PRDM1: variants seen among roughly 807,000 people sequenced by gnomAD.
PRDM1 encodes PR/SET domain 1.
A neutral mutation model predicts 62.8 loss-of-function variants in PRDM1; 13 were observed. The observed-to-expected ratio is 0.21, with a 90% confidence interval of 0.13 to 0.33. The LOEUF (loss-of-function observed/expected upper bound fraction) is 0.33. Ranked by LOEUF, PRDM1 falls within the 10% of genes least tolerant of loss-of-function variation. The pLI is 1.00. For synonymous variants in PRDM1, 396 were observed against 417.6 expected, an observed-to-expected ratio of 0.95 and a Z score of 0.63; for missense variants, 895 against 1,058.8, an observed-to-expected ratio of 0.85 and a Z score of 2.15.
chr6:105,999,345 C>T (rs945702754), intron 1 of PRDM1, among the ~76,000 whole-genome samples: 5 of 151,000 alleles, frequency 3.3e-5, no homozygotes, highest in African/African-American at 1.2e-4. Flanking sequence ...CACTTGAGGC[C>T]AGGAGTTTGA....
intron 1 of PRDM1, among the ~76,000 whole-genome samples, chr6:105,999,458 T>C (rs7764083): frequency 0.91 from 138,615 of 152,130 alleles, 63,252 homozygotes; most frequent in African/African-American, 0.95. Flanking sequence ...AAAAGTGACA[T>C]GTTTTTTGCT....
intron 4 of PRDM1, among the ~76,000 whole-genome samples, chr6:106,103,080 G>T (rs1024837113): frequency 6.6e-6 from 1 of 152,108 alleles, no homozygotes; most frequent in African/African-American, 2.4e-5. Context: ...TATTTATTTT[G>T]TTTTAGTGGC....
chr6:106,004,327 G>A (rs1320981343), intron 1 of PRDM1, among the ~76,000 whole-genome samples: 1 of 152,086 alleles, frequency 6.6e-6, no homozygotes, highest in African/African-American at 2.4e-5. Context: ...TAACATATAT[G>A]CTAACATGAA....
chr6:106,001,541 G>GTT (rs571403363), intron 1 of PRDM1, among the ~76,000 whole-genome samples: 112 of 152,270 alleles, frequency 7.4e-4, no homozygotes, highest in African/African-American at 2.6e-3. Context: ...ATAGAAAGCT[G>GTT]TTTTACTCTA....
intron 4 of PRDM1, 85 bp downstream of exon 4, chr6:106,099,637 T>C (rs1774211627): frequency 6.5e-7 from 1 of 1,532,862 alleles, no homozygotes; most frequent in African/African-American, 1.4e-5. Context: ...TGTTTAATTA[T>C]ACGGCTTTGT....
At chr6:106,077,961 T>C (rs1284208836) in intron 1 of PRDM1, among the ~76,000 whole-genome samples, 2 of 152,210 alleles carry the variant, frequency 1.3e-5, no homozygotes, top group Non-Finnish European at 1.5e-5. Context: ...TGATGAGATC[T>C]TTCTTGCTCG....
chr6:106,104,843 T>G lies in PRDM1; in HGVS notation c.683T>G (p.Leu228Arg). 6.2e-7 allele frequency: 1 copy of G among 1,613,818 alleles called. No homozygotes were observed. Among genetic ancestry groups the G allele is most frequent in the South Asian group, 1.1e-5 (1 of 91,066 alleles). The change falls in exon 5 of 7, where the codon CTA becomes CGA. Residue 228 changes from leucine (L) to arginine (R), a missense_variant. Around this residue, in one of 4 missense-constraint regions of PRDM1, gnomAD observed 444 missense variants for 422.7 expected, o/e 1.05. Coordinates refer to ENST00000369096, the MANE Select transcript of PRDM1 (RefSeq NM_001198.4). ...MMNLTQTQSS[L>R]KQPSTEKNEL... Reference sequence around the variant, plus strand: ...ATTTCAGCACAAACACAGAGCAGTCTAAAGCAACCGAGCACTGAGAAAAAT... The same window carrying G: ...ATTTCAGCACAAACACAGAGCAGTCGAAAGCAACCGAGCACTGAGAAAAAT...
chr6:106,109,091 CAAAAA>C lies in PRDM1; in HGVS notation c.*1623_*1627del, dbSNP rs36077280. 2.6e-3 allele frequency: 317 copies of C among 121,394 alleles called. No homozygotes were observed. Among genetic ancestry groups the C allele is most frequent in the East Asian group, 9.1e-3 (69 of 7,592 alleles). The allele number at this position is 121,394 out of a possible 1,614,324, so 7.5% of individuals were successfully genotyped here. ...GTAAAAGATCTACTTTTTCTAAGGG[CAAAAA>C]AAAAAAAAAAAAAAAAAGAACACTC... On this transcript the variant is annotated 3_prime_UTR_variant, in exon 7 of 7. Coordinates refer to ENST00000369096, the MANE Select transcript of PRDM1 (RefSeq NM_001198.4).
chr6:106,068,248 C>T (rs984074049), intron 1 of PRDM1, among the ~76,000 whole-genome samples: 1 of 152,026 alleles, frequency 6.6e-6, no homozygotes, highest in East Asian at 1.9e-4. Flanking sequence ...GATGCCACGA[C>T]GCCCAGCCAA....
chr6:106,045,185 A>G (rs572676682), upstream of PRDM1, among the ~76,000 whole-genome samples: 24 of 152,158 alleles, frequency 1.6e-4, no homozygotes, highest in Non-Finnish European at 3.2e-4. Flanking sequence ...ATAAAACACC[A>G]TCATTGTTAT....
chr6:106,032,631 T>C (rs756959257), intron 1 of PRDM1, among the ~76,000 whole-genome samples: 7 of 151,944 alleles, frequency 4.6e-5, no homozygotes, highest in Non-Finnish European at 1.0e-4. Flanking sequence ...AGAGATGGGG[T>C]TCACCATGTT....
intron 1 of PRDM1, among the ~76,000 whole-genome samples, chr6:106,033,000 G>A (rs1772868165): frequency 6.6e-6 from 1 of 151,922 alleles, no homozygotes; most frequent in South Asian, 2.1e-4. Context: ...AGCCCTATGA[G>A]GTGGGTTGTA....
intron 1 of PRDM1, among the ~76,000 whole-genome samples, chr6:106,059,649 T>C (rs1003440627): frequency 6.6e-6 from 1 of 152,190 alleles, no homozygotes; most frequent in Admixed American, 6.5e-5. Flanking sequence ...AGATGAAGAA[T>C]ACATGGTAGA....
rs980098038 is a variant in PRDM1 at position 106,024,534 on chromosome 6, A to G, written c.-67+30895A>G. Among the ~76,000 whole-genome samples the G allele has an allele frequency of 2.6e-5, 4 of 152,348 alleles. 1 individual carries two copies. The East Asian group carries it at 5.8e-4, about 22-fold the overall frequency. ...CTATGAAAGGAAATGACTTTCTTATAAGACAGACATGTGATGTTTGCAATG... is the reference window on the plus strand; with the variant it reads ...CTATGAAAGGAAATGACTTTCTTATGAGACAGACATGTGATGTTTGCAATG... On this transcript the variant is annotated intron_variant, in intron 1 of 6. Transcript: ENST00000652320.
intron 1 of PRDM1, among the ~76,000 whole-genome samples, chr6:106,064,484 T>A (rs553677160): frequency 2.0e-4 from 30 of 152,302 alleles, no homozygotes; most frequent in Admixed American, 1.6e-3. Flanking sequence ...CCTGATGTTT[T>A]GAGGACCACC....
chr6:106,088,613 C>T (rs1428992241), intron 2 of PRDM1, among the ~76,000 whole-genome samples, 164 bp downstream of exon 2: 2 of 152,152 alleles, frequency 1.3e-5, no homozygotes, highest in African/African-American at 2.4e-5. Context: ...TTTCCCTAAA[C>T]CATTTCCTTC....
At chr6:106,053,512 T>TGTATTCTAATAGAATACATAA (rs1182896849) in intron 1 of PRDM1, among the ~76,000 whole-genome samples, 1 of 152,210 alleles carries the variant, frequency 6.6e-6, no homozygotes, top group Non-Finnish European at 1.5e-5. Context: ...GTATCTATTA[T>TGTATTCTAATAGAATACATAA]GTATTCTAAT....
intron 1 of PRDM1, among the ~76,000 whole-genome samples, chr6:105,996,752 T>C (rs1038201615): frequency 6.6e-6 from 1 of 152,232 alleles, no homozygotes; most frequent in African/African-American, 2.4e-5. Flanking sequence ...GTCTGTCTTC[T>C]TGGGATTCTA....
At position 106,108,938 on chromosome 6, in the gene PRDM1, G is replaced by C. The variant is rs564816328; in HGVS notation, c.*1452G>C. On this transcript the variant is annotated 3_prime_UTR_variant, in exon 7 of 7. Transcript: ENST00000369096. ...TTTGTGTTATTCTATCTTTTATTCT[G>C]CTAAGCCCAAAGATTACATGTTGGT... is the stretch of plus-strand genomic sequence containing the variant. 1.3e-5 allele frequency: 3 copies of C among 227,020 alleles called. No homozygotes were observed. The highest frequency in any genetic ancestry group is 1.8e-5 in the Non-Finnish European group (2 of 114,022). The allele number at this position is 227,020 out of a possible 1,614,324, so 14.1% of individuals were successfully genotyped here.
Sources: allele counts gnomAD v4.1 joint callset (sites outside exome capture counted in the v4.1 genomes callset), GRCh38; gene constraint gnomAD v4.1.1; regional missense constraint gnomAD v4.1.1; transcripts MANE v1.5; gene names NCBI Gene and HGNC (gene_info 2026-07-23, HGNC 2026-07-21).